The following KCMF1 variants were observed in gnomAD, a reference collection of about 807,000 sequenced individuals.
KCMF1 encodes potassium channel modulatory factor 1.
A neutral mutation model predicts 41.1 loss-of-function variants in KCMF1; 3 were observed. That is an observed-to-expected ratio of 0.07 (90% confidence interval 0.03 to 0.19). The LOEUF (loss-of-function observed/expected upper bound fraction) is 0.19. KCMF1 is among the 10% of genes least tolerant of loss of function. The pLI is 1.00. For missense variants in KCMF1, 286 were observed against 488.9 expected, an observed-to-expected ratio of 0.58 and a Z score of 3.91; for synonymous variants, 142 against 164.5, an observed-to-expected ratio of 0.86 and a Z score of 1.04.
At chr2:85,014,866 G>C (rs1674733095) in intron 1 of KCMF1, among the ~76,000 whole-genome samples, 1 of 151,262 alleles carries the variant, frequency 6.6e-6, no homozygotes, top group Non-Finnish European at 1.5e-5. Flanking sequence ...AAAGCCACCT[G>C]TTTCCCACTA....
intron 1 of KCMF1, among the ~76,000 whole-genome samples, chr2:84,997,832 G>A (rs796335910): frequency 9.9e-5 from 14 of 141,224 alleles, no homozygotes; most frequent in African/African-American, 3.7e-4. Flanking sequence ...GAGCAGCGGT[G>A]CAATCCTGGC....
intron 1 of KCMF1, among the ~76,000 whole-genome samples, chr2:85,019,909 A>G (rs1244326883): frequency 6.6e-6 from 1 of 152,014 alleles, no homozygotes; most frequent in Non-Finnish European, 1.5e-5. Context: ...GCTAAAATAT[A>G]TATATTACAG....
chr2:85,031,587 A>G (rs914802346), intron 2 of KCMF1, among the ~76,000 whole-genome samples: 5 of 152,206 alleles, frequency 3.3e-5, no homozygotes, highest in Admixed American at 1.3e-4. Context: ...AGCACGTTTA[A>G]TGTAGACTAG....
chr2:85,014,748 T>TG (rs202019381), intron 1 of KCMF1, among the ~76,000 whole-genome samples: 1,531 of 150,058 alleles, frequency 0.01, 26 homozygotes, highest in African/African-American at 0.037. Flanking sequence ...TGTGTGTGTG[T>TG]TTTTAAATAG....
rs923749359 is a variant in KCMF1 at position 85,015,309 on chromosome 2, C to T, written c.17-12580C>T. On this transcript the variant is annotated intron_variant, in intron 1 of 6. Coordinates refer to ENST00000409785, the MANE Select transcript of KCMF1 (RefSeq NM_020122.5). ...TTCAACAGATATTATTGAATTCCCACATTGTCCCAGGCACTCTTTATCCAC... is the reference window on the plus strand; with the variant it reads ...TTCAACAGATATTATTGAATTCCCATATTGTCCCAGGCACTCTTTATCCAC... 2.8e-4 allele frequency among the ~76,000 whole-genome samples: 43 copies of T among 152,232 alleles called. No individual in the cohort carries two copies. In the East Asian group the frequency reaches 7.9e-3, roughly 28 times the overall value.
At chr2:85,012,691 C>T (rs1674680555) in intron 1 of KCMF1, among the ~76,000 whole-genome samples, 1 of 152,224 alleles carries the variant, frequency 6.6e-6, no homozygotes, top group African/African-American at 2.4e-5. Context: ...TAAACCACAA[C>T]TCTTTTCCGC....
chr2:85,032,548 T>C (rs1675302145), intron 2 of KCMF1, among the ~76,000 whole-genome samples: 1 of 152,062 alleles, frequency 6.6e-6, no homozygotes, highest in East Asian at 1.9e-4. Flanking sequence ...AGCTAATTTT[T>C]GTATTTTTAG....
chr2:84,976,304 TC>T, intron 1 of KCMF1, among the ~76,000 whole-genome samples: 1 of 151,898 alleles, frequency 6.6e-6, no homozygotes. Flanking sequence ...CCTCCTGTGT[TC>T]GAGTGATTCT....
intron 1 of KCMF1, among the ~76,000 whole-genome samples, chr2:85,016,198 C>T (rs1674765002): frequency 6.6e-6 from 1 of 152,188 alleles, no homozygotes; most frequent in Non-Finnish European, 1.5e-5. Context: ...GCTCCTGGAT[C>T]ATGCTCTCCC....
intron 1 of KCMF1, among the ~76,000 whole-genome samples, chr2:85,019,449 C>G (rs1217129230): frequency 6.6e-6 from 1 of 152,018 alleles, no homozygotes; most frequent in Non-Finnish European, 1.5e-5. Flanking sequence ...ATGGAATGTT[C>G]TATAAAATTA....
At position 85,027,937 on chromosome 2, in the gene KCMF1, A is replaced by G; in HGVS notation, c.65A>G (p.Tyr22Cys). 1 of 1,612,074 alleles carries G rather than the reference A, an allele frequency of 6.2e-7. No individual in the cohort carries two copies. The change falls in exon 2 of 7, where the codon TAT (tyrosine) becomes TGT (cysteine). Residue 22 changes from tyrosine to cysteine, a missense_variant. Physicochemically the swap from Tyr to Cys is radical, Grantham distance 194. Transcript: ENST00000409785. ...CLKGNFRGRR[Y>C]KCLICYDYDL... ...AAAGGAAATTTTCGAGGTCGCAGAT[A>G]TAAGTGTTTAATTTGCTACGATTAC...
intron 2 of KCMF1, among the ~76,000 whole-genome samples, chr2:85,029,984 C>T (rs1195739897): frequency 7.9e-5 from 12 of 151,930 alleles, no homozygotes; most frequent in Admixed American, 7.9e-4. Flanking sequence ...CGCCTGGCTT[C>T]GTGCTATAAT....
intron 1 of KCMF1, among the ~76,000 whole-genome samples, chr2:84,972,829 G>C (rs1673434034): frequency 6.6e-6 from 1 of 152,162 alleles, no homozygotes; most frequent in Non-Finnish European, 1.5e-5. Context: ...AAACTAATAT[G>C]AAATATACTA....
In KCMF1 at chr2:84,998,634, T is replaced by C. The variant is rs1473195714; in HGVS notation, c.16+27167T>C. ...TTACTTATTTGAGACAGAGTCTTGC[T>C]CTGTCACCCAGGCTGGAGTGCAGTG... On this transcript the variant is annotated intron_variant, in intron 1 of 6. Coordinates refer to ENST00000409785, the MANE Select transcript of KCMF1 (RefSeq NM_020122.5). 2.6e-5 allele frequency among the ~76,000 whole-genome samples: 4 copies of C among 151,760 alleles called. No individual in the cohort carries two copies. In the East Asian group the frequency reaches 7.8e-4, roughly 30 times the overall value.
At chr2:84,995,372 G>A (rs560762977) in intron 1 of KCMF1, among the ~76,000 whole-genome samples, 1 of 152,198 alleles carries the variant, frequency 6.6e-6, no homozygotes, top group Non-Finnish European at 1.5e-5. Context: ...AGAGTTTCAG[G>A]GTATCAGTTC....
At chr2:84,998,917 C>CCTATCTAT (rs4019937) in intron 1 of KCMF1, among the ~76,000 whole-genome samples, 566 of 96,040 alleles carry the variant, frequency 5.9e-3, no homozygotes, top group African/African-American at 7.9e-3. Context: ...GGGCCTCTTA[C>CCTATCTAT]CTATCTATCT....
At chr2:85,005,811 A>G (rs935640474) in intron 1 of KCMF1, among the ~76,000 whole-genome samples, 3 of 152,192 alleles carry the variant, frequency 2.0e-5, no homozygotes, top group African/African-American at 7.2e-5. Context: ...CACCCAGCCC[A>G]TAGTGATATT....
At chr2:85,022,393 A>G (rs2104019622) in intron 1 of KCMF1, among the ~76,000 whole-genome samples, 1 of 152,210 alleles carries the variant, frequency 6.6e-6, no homozygotes. Flanking sequence ...AGGATTGCTT[A>G]AATCCAGGAG....
intron 1 of KCMF1, among the ~76,000 whole-genome samples, chr2:85,005,067 C>T (rs1674434591): frequency 6.6e-6 from 1 of 151,910 alleles, no homozygotes; most frequent in African/African-American, 2.4e-5. Flanking sequence ...CCACCGTGCC[C>T]AGCTAATTTC....
Sources: gnomAD v4.1 joint callset for allele counts (sites outside exome capture counted in the v4.1 genomes callset) on GRCh38, gnomAD v4.1.1 for gene constraint, MANE v1.5 for transcripts, NCBI Gene and HGNC (gene_info 2026-07-23, HGNC 2026-07-21) for gene names.